Variants in SLC22A14 observed in about 807,000 individuals in gnomAD.
SLC22A14 encodes solute carrier family 22 member 14.
SLC22A14 carries 50 observed loss-of-function variants against 53.9 expected under a neutral mutation model. The ratio of observed to expected loss-of-function variants is 0.93; its 90% CI spans 0.74 to 1.17. SLC22A14 has a LOEUF of 1.17. Among genes scored for constraint, SLC22A14 ranks in the 50% most tolerant of loss-of-function variants. The pLI is 0.00. For synonymous variants in SLC22A14, 312 were observed against 303.0 expected (o/e 1.03, Z -0.31); for missense variants, 671 against 734.7 (o/e 0.91, Z 1.00).
At chr3:38,298,977 G>A (rs1017997889) in intron 1 of SLC22A14, among the ~76,000 whole-genome samples, 12 of 152,258 alleles carry the variant, frequency 7.9e-5, no homozygotes, top group Admixed American at 4.6e-4. Flanking sequence ...CCATCTCTGC[G>A]AGAAACAAAT....
intron 1 of SLC22A14, 66 bp from the exon 2 acceptor site, chr3:38,305,961 A>G (rs1280442958): frequency 1.6e-5 from 24 of 1,514,908 alleles, no homozygotes; most frequent in Non-Finnish European, 2.1e-5. Flanking sequence ...GGTGGCTCCC[A>G]TGCTGGTCTC....
At position 38,309,016 on chromosome 3, in the gene SLC22A14, G is replaced by C. The variant is rs529640267; in HGVS notation, c.838G>C (p.Ala280Pro). The change falls in exon 5 of 11, where the codon GCT becomes CCT. Residue 280 changes from alanine (A) to proline (P), a missense_variant. Transcript: ENST00000448498. Reference sequence around the variant, plus strand: ...CATTATCCTGGGACACTGCTTTTTCGCTGTTGGGGCCGTGTTGCTGACAGG... The same window carrying C: ...CATTATCCTGGGACACTGCTTTTTCCCTGTTGGGGCCGTGTTGCTGACAGG... ...HAIILGHCFFAVGAVLLTGIA... is the reference protein window; with the variant it reads ...HAIILGHCFFPVGAVLLTGIA... 2 of 1,613,960 alleles carry C rather than the reference G, an allele frequency of 1.2e-6. No homozygotes were observed. The highest frequency in any genetic ancestry group is 1.7e-6 in the Non-Finnish European group (2 of 1,179,926).
At chr3:38,305,641 T>TAGA in intron 1 of SLC22A14, 1 of 175,504 alleles carries the variant, frequency 5.7e-6, no homozygotes, top group Admixed American at 5.6e-5. Flanking sequence ...CAGATCTTTG[T>TAGA]TTGTTTTTGA....
intron 1 of SLC22A14, among the ~76,000 whole-genome samples, chr3:38,300,300 T>C (rs1575411619): frequency 6.6e-6 from 1 of 152,118 alleles, no homozygotes; most frequent in East Asian, 1.9e-4. Flanking sequence ...ATTAGCCGGA[T>C]GTGGTGGTGT....
intron 1 of SLC22A14, chr3:38,305,123 T>C (rs1328185287): frequency 6.6e-6 from 1 of 152,250 alleles, no homozygotes; most frequent in Non-Finnish European, 1.5e-5. Flanking sequence ...TTCATTTTCG[T>C]AATTACAACC....
chr3:38,309,503 A>G (rs1045157062), intron 5 of SLC22A14, among the ~76,000 whole-genome samples: 2 of 152,172 alleles, frequency 1.3e-5, no homozygotes, highest in African/African-American at 4.8e-5. Context: ...TTGAGGAGTG[A>G]CTAGGAGCAG....
intron 1 of SLC22A14, among the ~76,000 whole-genome samples, chr3:38,284,199 C>T: frequency 6.6e-6 from 1 of 152,188 alleles, no homozygotes; most frequent in East Asian, 1.9e-4. Flanking sequence ...GGGACTCCTC[C>T]TCAAGCAGAC....
At chr3:38,289,572 A>T (rs935753965) in intron 1 of SLC22A14, among the ~76,000 whole-genome samples, 1 of 152,200 alleles carries the variant, frequency 6.6e-6, no homozygotes, top group Non-Finnish European at 1.5e-5. Context: ...TTATAGCTCT[A>T]TTAGAAGCTG....
At chr3:38,290,683 G>A (rs1050509260) in intron 1 of SLC22A14, among the ~76,000 whole-genome samples, 5 of 152,142 alleles carry the variant, frequency 3.3e-5, no homozygotes, top group Non-Finnish European at 7.4e-5. Context: ...TTCCTTCTTC[G>A]TTGGCTAGCC....
intron 1 of SLC22A14, among the ~76,000 whole-genome samples, chr3:38,289,445 A>G (rs1162804761): frequency 1.3e-5 from 2 of 152,082 alleles, no homozygotes; most frequent in Non-Finnish European, 2.9e-5. Context: ...TTGCTTCCAG[A>G]GCTCCCAAGA....
intron 1 of SLC22A14, among the ~76,000 whole-genome samples, chr3:38,283,640 G>A (rs1001192100): frequency 1.3e-5 from 2 of 152,142 alleles, no homozygotes; most frequent in African/African-American, 4.8e-5. Context: ...GACCAGCCTG[G>A]CCAACATGGT....
chr3:38,307,834 G>T lies in SLC22A14; in HGVS notation c.775+114G>T. On this transcript the variant is annotated intron_variant, in intron 4 of 10. Transcript: ENST00000448498. This position sits in a 1 kb window ranked among gnomAD's most constrained non-coding sequence, Gnocchi z 4.4. ...GTGGCGGCATAGGCAGATGGCAAGG[G>T]GGCGTGGTGTAGCTGTAAGAGGGCA... 1 of 1,182,272 alleles carries T rather than the reference G, an allele frequency of 8.5e-7. No individual in the cohort carries two copies. 73.2% of individuals were successfully genotyped at this position (1,182,272 alleles called of 1,614,324 possible).
At position 38,308,919 on chromosome 3, in the gene SLC22A14, G is replaced by T. The variant is rs777457132; in HGVS notation, c.776-35G>T. The T allele has an allele frequency of 8.1e-6, 13 of 1,603,924 alleles. No individual in the cohort carries two copies. The South Asian group carries it at 1.0e-4, about 12-fold the overall frequency. ...CAAGGGCAGCCCTGGGGACCCTGACGTAACCATGGTTTTGTCCTCTTGGCC... is the reference window on the plus strand; with the variant it reads ...CAAGGGCAGCCCTGGGGACCCTGACTTAACCATGGTTTTGTCCTCTTGGCC... On this transcript the variant is annotated intron_variant, in intron 4 of 10. Transcript: ENST00000448498.
rs535853742 is a variant in SLC22A14 at position 38,307,421 on chromosome 3, G to T, written c.620+64G>T. On this transcript the variant is annotated intron_variant, in intron 3 of 10. Coordinates refer to ENST00000448498, the MANE Select transcript of SLC22A14 (RefSeq NM_001320033.2). The surrounding 1 kb of genome is among the most constrained non-coding windows in gnomAD (Gnocchi z 4.4). ...CCAACTCCTCCTCATGGGCATTCAGGGTTGGAGTGTGTCAGGCTGAGGGAG... is the reference window on the plus strand; with the variant it reads ...CCAACTCCTCCTCATGGGCATTCAGTGTTGGAGTGTGTCAGGCTGAGGGAG... 2.2e-4 allele frequency: 338 copies of T among 1,526,800 alleles called. 3 individuals are homozygous for T. Among genetic ancestry groups the T allele is most frequent in the Non-Finnish European group, 3.0e-4 (326 of 1,100,876 alleles). 94.6% of individuals were successfully genotyped at this position (1,526,800 alleles called of 1,614,324 possible).
At chr3:38,289,804 GC>G (rs1703873034) in intron 1 of SLC22A14, among the ~76,000 whole-genome samples, 1 of 152,210 alleles carries the variant, frequency 6.6e-6, no homozygotes, top group Non-Finnish European at 1.5e-5. Flanking sequence ...GTGGTGGACG[GC>G]AAGCGAAAAC....
At chr3:38,291,674 A>C (rs1559544205) in intron 1 of SLC22A14, among the ~76,000 whole-genome samples, 1 of 151,852 alleles carries the variant, frequency 6.6e-6, no homozygotes, top group Non-Finnish European at 1.5e-5. Context: ...CTGTGTAAGG[A>C]CTCCTAGAAC....
At chr3:38,297,471 A>C (rs1310261286) in intron 1 of SLC22A14, among the ~76,000 whole-genome samples, 1 of 151,462 alleles carries the variant, frequency 6.6e-6, no homozygotes, top group Non-Finnish European at 1.5e-5. Context: ...TTCCACTTTT[A>C]TTTTAAGTTC....
At chr3:38,316,804 T>A (rs1276293513) in intron 10 of SLC22A14, among the ~76,000 whole-genome samples, 1 of 152,230 alleles carries the variant, frequency 6.6e-6, no homozygotes, top group East Asian at 1.9e-4. Context: ...ATGGGTGCAT[T>A]GCCTTTGGGC....
intron 1 of SLC22A14, among the ~76,000 whole-genome samples, chr3:38,290,934 G>C (rs570791122): frequency 6.6e-6 from 1 of 151,862 alleles, no homozygotes; most frequent in African/African-American, 2.4e-5. Flanking sequence ...ACCTCTTTAG[G>C]TTTCTGTACA....
Sources: allele counts gnomAD v4.1 joint callset (sites outside exome capture counted in the v4.1 genomes callset), GRCh38; gene constraint gnomAD v4.1.1; non-coding constraint Gnocchi (gnomAD v3.1); transcripts MANE v1.5; gene names NCBI Gene and HGNC (gene_info 2026-07-23, HGNC 2026-07-21).